The following SLC17A2 variants were observed in gnomAD, a reference collection of about 807,000 sequenced individuals.
SLC17A2 encodes the protein sodium-dependent phosphate transport protein 3.
A neutral mutation model predicts 52.1 loss-of-function variants in SLC17A2; 38 were observed. The ratio of observed to expected loss-of-function variants is 0.73; its 90% CI spans 0.56 to 0.96. SLC17A2 has a LOEUF of 0.96. SLC17A2 is among the 40% of genes least tolerant of loss of function. The pLI is 0.00. For synonymous variants in SLC17A2, 226 were observed against 211.9 expected, an observed-to-expected ratio of 1.07 and a Z score of -0.58; for missense variants, 508 against 583.9, an observed-to-expected ratio of 0.87 and a Z score of 1.34.
chr6:25,920,681 T>C (rs1766517661), intron 5 of SLC17A2, among the ~76,000 whole-genome samples: 1 of 152,220 alleles, frequency 6.6e-6, no homozygotes, highest in Admixed American at 6.5e-5. Flanking sequence ...ATGGTGTATA[T>C]ATAGCTTACT....
chr6:25,914,734 T>C, intron 10 of SLC17A2, 64 bp from the exon 11 acceptor site: 1 of 1,000,722 alleles, frequency 1.0e-6, no homozygotes, highest in Non-Finnish European at 1.6e-6. Context: ...CTGCAGCAAC[T>C]CAACTTTAAT....
chr6:25,921,763 G>T (rs1331410626), intron 3 of SLC17A2, among the ~76,000 whole-genome samples: 6 of 151,998 alleles, frequency 3.9e-5, no homozygotes, highest in Non-Finnish European at 5.9e-5. Context: ...TTATATCAAA[G>T]AATTTTTTAA....
intron 2 of SLC17A2, among the ~76,000 whole-genome samples, chr6:25,924,847 C>T (rs1351022010): frequency 6.6e-6 from 1 of 151,196 alleles, no homozygotes; most frequent in African/African-American, 2.4e-5. Context: ...ACTATTTTTA[C>T]AAAGCTTGCA....
chr6:25,917,151 C>G, intron 6 of SLC17A2, 64 bp from the exon 7 acceptor site: 1 of 1,172,832 alleles, frequency 8.5e-7, no homozygotes, highest in Non-Finnish European at 1.3e-6. Flanking sequence ...GAAGTTTCCT[C>G]TGAAGTGGCA....
chr6:25,918,249 G>A (rs1036383807), intron 6 of SLC17A2, among the ~76,000 whole-genome samples: 1 of 152,208 alleles, frequency 6.6e-6, no homozygotes, highest in Non-Finnish European at 1.5e-5. Flanking sequence ...ACAAGTCGGT[G>A]GGTGCCATGT....
chr6:25,917,498 A>G (rs532825020), intron 6 of SLC17A2, among the ~76,000 whole-genome samples: 16 of 152,254 alleles, frequency 1.1e-4, no homozygotes, highest in Non-Finnish European at 1.5e-4. Context: ...CCATGAAATC[A>G]TGTGGCAGGG....
rs114615008 is a variant in SLC17A2 at position 25,918,143 on chromosome 6, C to T, written c.649+344G>A. 3.4e-3 allele frequency among the ~76,000 whole-genome samples: 524 copies of T among 152,300 alleles called. 3 individuals are homozygous for T. Among genetic ancestry groups the T allele is most frequent in the African/African-American group, 0.012 (481 of 41,572 alleles). ...GAAGACACATTGAAAATGTACTTCACTATCTTTGACATCTTAACTGCATAT... is the reference window on the plus strand; with the variant it reads ...GAAGACACATTGAAAATGTACTTCATTATCTTTGACATCTTAACTGCATAT... On this transcript the variant is annotated intron_variant, in intron 6 of 11. Coordinates refer to ENST00000377850, the MANE Select transcript of SLC17A2 (RefSeq NM_001286123.3).
In SLC17A2 at chr6:25,915,776, A is replaced by G; in HGVS notation, c.1023T>C (p.Leu341=). 6.2e-7 allele frequency: 1 copy of G among 1,614,206 alleles called. No homozygotes were observed. Among genetic ancestry groups the G allele is most frequent in the Non-Finnish European group, 8.5e-7 (1 of 1,180,032 alleles). ...GCTTTCGCACAGTGATCAATCTGAG[A>G]AGATTCCTGGACAAAAGGAAATCTG... ...QLADFLLSRN[L]LRLITVRKLF... The change falls in exon 9 of 12, where the codon CTT becomes CTC. Residue 341 remains leucine (L), a synonymous_variant. Coordinates refer to ENST00000377850, the MANE Select transcript of SLC17A2 (RefSeq NM_001286123.3).
chr6:25,914,341 T>C (rs1441572771), intron 11 of SLC17A2, among the ~76,000 whole-genome samples: 1 of 152,204 alleles, frequency 6.6e-6, no homozygotes, highest in Non-Finnish European at 1.5e-5. Context: ...CTCTAGGAAG[T>C]CACACGTGCT....
At chr6:25,916,231 C>A (rs920764797) in intron 8 of SLC17A2, among the ~76,000 whole-genome samples, 1 of 152,140 alleles carries the variant, frequency 6.6e-6, no homozygotes, top group Non-Finnish European at 1.5e-5. Flanking sequence ...CAGGTGCCTG[C>A]CACCACACCT....
At chr6:25,925,981 T>G in intron 1 of SLC17A2, 102 bp from the exon 2 acceptor site, 2 of 657,708 alleles carry the variant, frequency 3.0e-6, no homozygotes, top group Non-Finnish European at 2.7e-6. Context: ...AACACAGCTC[T>G]ATAACTTACA....
At position 25,917,075 on chromosome 6, in the gene SLC17A2, C is replaced by A. The variant is rs1766354628; in HGVS notation, c.662G>T (p.Cys221Phe). Reference protein sequence around the residue: ...FIFYIFGSTGCVCCLLWFTVI... With the variant: ...FIFYIFGSTGFVCCLLWFTVI... Reference sequence around the variant, plus strand: ...TGTGAACCATAGGAGACAGCAGACACAGCCAGTGCTACCTGGGAAGAAGGG... The same window carrying A: ...TGTGAACCATAGGAGACAGCAGACAAAGCCAGTGCTACCTGGGAAGAAGGG... The change falls in exon 7 of 12, where the codon TGT (cysteine) becomes TTT (phenylalanine). Residue 221 changes from cysteine (C) to phenylalanine (F), a missense_variant. Coordinates refer to ENST00000377850, the MANE Select transcript of SLC17A2 (RefSeq NM_001286123.3). The A allele has an allele frequency of 8.7e-6, 14 of 1,613,492 alleles. No individual in the cohort carries two copies. Among genetic ancestry groups the A allele is most frequent in the Non-Finnish European group, 1.2e-5 (14 of 1,179,446 alleles).
At chr6:25,921,544 A>G (rs1422266707) in intron 3 of SLC17A2, 132 bp from the exon 4 acceptor site, 2 of 627,416 alleles carry the variant, frequency 3.2e-6, no homozygotes, top group East Asian at 5.5e-5. Flanking sequence ...TATTCTTCCT[A>G]CCTTCCCAAA....
Position 25,914,905 on chromosome 6 carries a change from C to T in SLC17A2, c.1212-235G>A, listed in dbSNP as rs375510226. ...TCTCTGGGAACCACGTTTCTTTACCCCGGCTGCTCAGTGGAGAAGCCAGTT... is the reference window on the plus strand; with the variant it reads ...TCTCTGGGAACCACGTTTCTTTACCTCGGCTGCTCAGTGGAGAAGCCAGTT... On this transcript the variant is annotated intron_variant, in intron 10 of 11. Coordinates refer to ENST00000377850, the MANE Select transcript of SLC17A2 (RefSeq NM_001286123.3). Among the ~76,000 whole-genome samples the T allele has an allele frequency of 4.0e-5, 6 of 151,794 alleles. No homozygotes were observed. The East Asian group carries it at 5.8e-4, about 15-fold the overall frequency.
At position 25,921,308 on chromosome 6, in the gene SLC17A2, T is replaced by C. The variant is rs779590247; in HGVS notation, c.345A>G (p.Ile115Met). ...TLIPSGYLAG[I>M]FGAKKMLGAG... ...CACCAAGCATTTTTTTTGCTCCAAATATCCCTGCTAAATATCCACTTGGGA... is the reference window on the plus strand; with the variant it reads ...CACCAAGCATTTTTTTTGCTCCAAACATCCCTGCTAAATATCCACTTGGGA... The change falls in exon 4 of 12, where the codon ATA (isoleucine) becomes ATG (methionine). Residue 115 changes from isoleucine to methionine, a missense_variant. By Grantham distance (10) the Ile-to-Met change is conservative. Coordinates refer to ENST00000377850, the MANE Select transcript of SLC17A2 (RefSeq NM_001286123.3). 7.4e-6 allele frequency: 12 copies of C among 1,614,030 alleles called. 1 individual carries two copies. In the South Asian group the frequency reaches 8.8e-5, roughly 12 times the overall value.
chr6:25,923,932 G>A (rs2151555575), intron 2 of SLC17A2, 26 bp from the exon 3 acceptor site: 2 of 1,569,764 alleles, frequency 1.3e-6, no homozygotes. Flanking sequence ...GATGTATGTA[G>A]TGAGCATCCT....
intron 3 of SLC17A2, among the ~76,000 whole-genome samples, chr6:25,923,354 C>T (rs910609953): frequency 3.3e-5 from 5 of 152,088 alleles, no homozygotes; most frequent in African/African-American, 9.7e-5. Flanking sequence ...TATAAAATTG[C>T]TCAGAAACAA....
rs1766642150 is a variant in SLC17A2 at position 25,923,695 on chromosome 6, C to G, written c.240G>C (p.Lys80Asn). Residue 80 changes from lysine (K) to asparagine (N), a missense_variant and splice_region_variant, in exon 3 of 12, where the codon AAG (lysine) becomes AAC (asparagine). Physicochemically the swap from Lys to Asn is moderately conservative, Grantham distance 94 (BLOSUM62 0). Transcript: ENST00000377850. ...GAGCCCTATTTTCCATCATACTTAC[C>G]TTTGTATCAAATTCCTTGATGGATA... ...SSISIKEFDT[K>N]ASVYQWSPET... 2 of 1,612,802 alleles carry G rather than the reference C, an allele frequency of 1.2e-6. No homozygotes were observed. The highest frequency in any genetic ancestry group is 1.7e-6 in the Non-Finnish European group (2 of 1,178,994).
Position 25,915,149 on chromosome 6 carries a change from G to GTGTATATATATATATATATATATATA in SLC17A2, c.1211+349_1211+350insTATATATATATATATATATATATACA, listed in dbSNP as rs749697702. On this transcript the variant is annotated intron_variant, in intron 10 of 11. Transcript: ENST00000377850. ...GCACAGGAGCTGGCTTATTGTGACT[G>GTGTATATATATATATATATATATATA]TATATATATATATATATATATATAT... Among the ~76,000 whole-genome samples, 101 of 57,880 alleles carry GTGTATATATATATATATATATATATA rather than the reference G, an allele frequency of 1.7e-3. 3 individuals carry two copies. The highest frequency in any genetic ancestry group is 5.3e-3 in the South Asian group (10 of 1,896). The allele number at this position is 57,880 out of a possible 152,430, so 38.0% of individuals were successfully genotyped here.
Sources: gnomAD v4.1 joint callset for allele counts (sites outside exome capture counted in the v4.1 genomes callset) on GRCh38, gnomAD v4.1.1 for gene constraint, MANE v1.5 for transcripts, NCBI Gene and HGNC (gene_info 2026-07-23, HGNC 2026-07-21) for gene names.